The following PBRM1 variants were observed in gnomAD, a reference collection of about 807,000 sequenced individuals.
PBRM1 encodes polybromo 1, also known as protein polybromo-1.
PBRM1 carries 27 observed loss-of-function variants against 194.5 expected under a neutral mutation model. The observed-to-expected ratio is 0.14, with a 90% CI of 0.10 to 0.19. The LOEUF (loss-of-function observed/expected upper bound fraction) is 0.19, where lower values mean the gene tolerates loss of function less well. Ranked by LOEUF, PBRM1 falls within the 10% of genes least tolerant of loss-of-function variation. The pLI, the probability that PBRM1 is intolerant of heterozygous loss-of-function variation, is 1.00. For synonymous variants in PBRM1, 655 were observed against 693.2 expected (o/e 0.94, Z 0.87); for missense variants, 1,466 against 2,077.2 (o/e 0.71, Z 5.72).
At chr3:52,612,282 A>AAAAAAAAAAAAAAT (rs2094675692) in intron 15 of PBRM1, among the ~76,000 whole-genome samples, 1 of 149,582 alleles carries the variant, frequency 6.7e-6, no homozygotes, top group Non-Finnish European at 1.5e-5. Flanking sequence ...AAAAAAAAAA[A>AAAAAAAAAAAAAAT]GAGGTATCAA....
intron 20 of PBRM1, 66 bp downstream of exon 22, chr3:52,586,359 C>A: frequency 7.6e-7 from 1 of 1,321,038 alleles, no homozygotes; most frequent in Non-Finnish European, 1.1e-6. Context: ...ATACTTTATT[C>A]ATTTATTTTC....
At chr3:52,671,070 C>T (rs114492371) in intron 2 of PBRM1, among the ~76,000 whole-genome samples, 14 of 152,094 alleles carry the variant, frequency 9.2e-5, no homozygotes, top group South Asian at 2.1e-4. Context: ...CCACAAAGAC[C>T]GCAGAATAGA....
At chr3:52,571,349 C>T (rs948675496) in intron 22 of PBRM1, among the ~76,000 whole-genome samples, 2 of 148,006 alleles carry the variant, frequency 1.4e-5, no homozygotes, top group African/African-American at 5.0e-5. Flanking sequence ...AAAGATTGGC[C>T]AGGCGTGGTG....
intron 29 of PBRM1, among the ~76,000 whole-genome samples, chr3:52,548,488 G>A (rs749771131): frequency 2.0e-5 from 3 of 151,190 alleles, no homozygotes; most frequent in Non-Finnish European, 4.4e-5. Flanking sequence ...GTGCAGTGGC[G>A]CGATCTCAGC....
chr3:52,600,990 G>T (rs1201218808), intron 17 of PBRM1, among the ~76,000 whole-genome samples: 1 of 152,114 alleles, frequency 6.6e-6, no homozygotes, highest in Non-Finnish European at 1.5e-5. Context: ...GGGTTCTTTT[G>T]GAGGTGTAAT....
At chr3:52,667,874 A>T (rs1353174443) in intron 3 of PBRM1, among the ~76,000 whole-genome samples, 1 of 151,958 alleles carries the variant, frequency 6.6e-6, no homozygotes, top group East Asian at 1.9e-4. Context: ...AGCCTGAGTA[A>T]CATAGGGAGA....
chr3:52,653,677 C>T (rs748613393), intron 5 of PBRM1, among the ~76,000 whole-genome samples: 11 of 151,318 alleles, frequency 7.3e-5, no homozygotes, highest in South Asian at 4.2e-4. Flanking sequence ...TTCGGGAGGC[C>T]GAGACGGGCA....
Position 52,627,265 on chromosome 3 carries a change from G to A in PBRM1, c.1541+8C>T. The A allele has an allele frequency of 6.7e-7, 1 of 1,500,876 alleles. No individual in the cohort carries two copies. The highest frequency in any genetic ancestry group is 9.3e-7 in the Non-Finnish European group (1 of 1,076,622). The allele number at this position is 1,500,876 out of a possible 1,614,324, so 93.0% of individuals were successfully genotyped here. ...TGAGATGTCCCCAGCTATAAGAAGA[G>A]TATATACCTTTTTCTTTTGGCACTA... On this transcript the variant is annotated splice_region_variant and intron_variant, in intron 13 of 29. Transcript: ENST00000296302.
chr3:52,662,624 G>C (rs893533793), intron 3 of PBRM1, among the ~76,000 whole-genome samples: 1 of 151,994 alleles, frequency 6.6e-6, no homozygotes, highest in Non-Finnish European at 1.5e-5. Flanking sequence ...TCAAGAGATC[G>C]AGACCATCCT....
chr3:52,663,830 C>CAGGG (rs2096774155), intron 3 of PBRM1, among the ~76,000 whole-genome samples: 1 of 151,844 alleles, frequency 6.6e-6, no homozygotes, highest in Non-Finnish European at 1.5e-5. Context: ...GAGGCTGAAG[C>CAGGG]AGGGGGATCA....
At chr3:52,628,585 C>A (rs1443144854) in intron 12 of PBRM1, among the ~76,000 whole-genome samples, 1 of 151,874 alleles carries the variant, frequency 6.6e-6, no homozygotes, top group African/African-American at 2.4e-5. Flanking sequence ...ACCCTCCCAC[C>A]GCAGCCTCCT....
intron 23 of PBRM1, 99 bp downstream of exon 25, chr3:52,563,951 T>C: frequency 2.9e-6 from 2 of 678,892 alleles, no homozygotes; most frequent in Non-Finnish European, 2.5e-6. Context: ...TTTACTACTC[T>C]AGTTTAAGAT....
At chr3:52,584,921 A>AT (rs1357319339) in intron 20 of PBRM1, among the ~76,000 whole-genome samples, 1 of 152,110 alleles carries the variant, frequency 6.6e-6, no homozygotes, top group African/African-American at 2.4e-5. Context: ...ACAAATATGA[A>AT]TTTAAAAAAA....
At chr3:52,674,367 G>A (rs1288855198) in intron 2 of PBRM1, among the ~76,000 whole-genome samples, 2 of 150,530 alleles carry the variant, frequency 1.3e-5, no homozygotes, top group Non-Finnish European at 3.0e-5. Context: ...TGTAATCCCA[G>A]CTACTCGGGA....
At chr3:52,549,766 G>A (rs2080418132) in intron 29 of PBRM1, among the ~76,000 whole-genome samples, 1 of 152,006 alleles carries the variant, frequency 6.6e-6, no homozygotes, top group African/African-American at 2.4e-5. Context: ...TTAGCTGGGC[G>A]TGGTGCTGAG....
At chr3:52,652,947 G>A (rs141381994) in intron 5 of PBRM1, among the ~76,000 whole-genome samples, 9 of 152,202 alleles carry the variant, frequency 5.9e-5, no homozygotes, top group African/African-American at 2.2e-4. Flanking sequence ...GCAGTGAGCC[G>A]AGATCACGCC....
downstream of PBRM1, chr3:52,547,592 T>C (rs551356489): frequency 3.2e-4 from 75 of 233,730 alleles, no homozygotes; most frequent in East Asian, 4.0e-3. Context: ...CTCTCTAAGA[T>C]GTAAACTAGG....
intron 2 of PBRM1, among the ~76,000 whole-genome samples, chr3:52,675,447 T>C (rs943804753): frequency 2.6e-5 from 4 of 152,214 alleles, no homozygotes; most frequent in Non-Finnish European, 5.9e-5. Flanking sequence ...TGAATACTGA[T>C]GCAAAATTTC....
At chr3:52,685,239 G>C (rs1045421527) in intron 1 of PBRM1, among the ~76,000 whole-genome samples, 4 of 152,218 alleles carry the variant, frequency 2.6e-5, no homozygotes, top group Admixed American at 2.0e-4. Context: ...AATATACACA[G>C]TTCCCAAAAT....
Sources: allele counts gnomAD v4.1 joint callset (sites outside exome capture counted in the v4.1 genomes callset), GRCh38; gene constraint gnomAD v4.1.1; transcripts MANE v1.5; gene names NCBI Gene and HGNC (gene_info 2026-07-23, HGNC 2026-07-21).